The following PTGR3 variants were observed in gnomAD, a reference collection of about 807,000 sequenced individuals.
PTGR3 encodes the protein prostaglandin reductase 3.
chr18:75,199,922 G>A, the PTGR3 span: 2 of 152,712 alleles, frequency 1.3e-5, no homozygotes, highest in Admixed American at 1.3e-4. Context: ...TGTTGTGCAT[G>A]CATGCTAGCA....
At chr18:75,208,312 C>CA in the PTGR3 span, 3 of 985,186 alleles carry the variant, frequency 3.0e-6, no homozygotes, top group South Asian at 1.4e-4. Flanking sequence ...GCGAGGTGCA[C>CA]ACCCACACAT....
At chr18:75,203,211 C>T in the PTGR3 span, among the ~76,000 whole-genome samples, 1 of 152,090 alleles carries the variant, frequency 6.6e-6, no homozygotes, top group Non-Finnish European at 1.5e-5. Flanking sequence ...CAGTATTTTT[C>T]CCAGCTTTTT....
the PTGR3 span, chr18:75,208,795 C>A: frequency 6.8e-6 from 9 of 1,332,382 alleles, no homozygotes; most frequent in African/African-American, 3.1e-5. Context: ...CGGCGCGGCG[C>A]GGCGCGAGCC....
the PTGR3 span, among the ~76,000 whole-genome samples, chr18:75,203,490 T>A: frequency 6.6e-6 from 1 of 152,220 alleles, no homozygotes; most frequent in African/African-American, 2.4e-5. Flanking sequence ...GGTAATACTC[T>A]GCGCTTATAA....
chr18:75,198,960 C>T, the PTGR3 span: 1 of 152,594 alleles, frequency 6.6e-6, no homozygotes, highest in Admixed American at 6.5e-5. Context: ...TGATGCTGAA[C>T]TATGACCCTC....
chr18:75,201,659 A>C, the PTGR3 span: 10 of 1,614,096 alleles, frequency 6.2e-6, no homozygotes, highest in Admixed American at 1.5e-4. Flanking sequence ...GTACGCTGGC[A>C]GATTTCTTGA....
the PTGR3 span, chr18:75,202,377 G>GT: frequency 6.4e-7 from 1 of 1,573,170 alleles, no homozygotes; most frequent in Admixed American, 1.8e-5. Context: ...GTTACGATGG[G>GT]TTTTTTGTTA....
the PTGR3 span, among the ~76,000 whole-genome samples, chr18:75,204,743 G>T: frequency 1.3e-5 from 2 of 152,112 alleles, no homozygotes; most frequent in African/African-American, 4.8e-5. Context: ...GCCTGCGACC[G>T]TGACCTCGGC....
chr18:75,206,858 C>T, the PTGR3 span, among the ~76,000 whole-genome samples: 3 of 152,202 alleles, frequency 2.0e-5, no homozygotes, highest in Non-Finnish European at 2.9e-5. Context: ...TGCACTCCCG[C>T]GTTCTGACCA....
At chr18:75,201,613 G>C in the PTGR3 span, 1 of 1,614,162 alleles carries the variant, frequency 6.2e-7, no homozygotes, top group South Asian at 1.1e-5. Flanking sequence ...ATGGCTGCTT[G>C]ATACTTAGAA....
the PTGR3 span, chr18:75,198,384 G>A: frequency 1.3e-5 from 2 of 152,168 alleles, no homozygotes; most frequent in Admixed American, 1.3e-4. Flanking sequence ...GATAAACACA[G>A]AATGTAATAC....
At chr18:75,209,008 G>GT in the PTGR3 span, 1 of 1,587,544 alleles carries the variant, frequency 6.3e-7, no homozygotes, top group Non-Finnish European at 8.6e-7. The surrounding 1 kb of genome is among the most constrained non-coding windows in gnomAD (Gnocchi z 4.7). Flanking sequence ...AGTGGCGGGC[G>GT]TACGACATGT....
At chr18:75,206,941 A>T in the PTGR3 span, among the ~76,000 whole-genome samples, 1 of 152,008 alleles carries the variant, frequency 6.6e-6, no homozygotes, top group Non-Finnish European at 1.5e-5. Flanking sequence ...GTGCCTAGGC[A>T]CCCTGGCTGT....
the PTGR3 span, chr18:75,202,002 C>T: frequency 6.2e-7 from 1 of 1,614,088 alleles, no homozygotes; most frequent in African/African-American, 1.3e-5. Flanking sequence ...GCCCGTTCCC[C>T]CAGCTGCTGC....
At chr18:75,197,812 CA>C in the PTGR3 span, 1 of 152,138 alleles carries the variant, frequency 6.6e-6, no homozygotes. Context: ...ATGAATTCAT[CA>C]AATCAGGCCG....
the PTGR3 span, chr18:75,199,150 C>G: frequency 6.6e-6 from 1 of 152,562 alleles, no homozygotes; most frequent in African/African-American, 2.4e-5. Flanking sequence ...TTATTTTAAT[C>G]CTGGGCGTTT....
At chr18:75,202,480 A>G in the PTGR3 span, 1 of 680,068 alleles carries the variant, frequency 1.5e-6, no homozygotes, top group South Asian at 2.1e-5. Flanking sequence ...TGAGAAAATT[A>G]GTCCTGCTGC....
the PTGR3 span, chr18:75,208,533 C>T: frequency 9.2e-7 from 1 of 1,082,508 alleles, no homozygotes; most frequent in Non-Finnish European, 1.1e-6. Context: ...CTTCTGGGTC[C>T]CGTCGGTTTT....
At chr18:75,208,231 C>A in the PTGR3 span, 1 of 815,114 alleles carries the variant, frequency 1.2e-6, no homozygotes, top group East Asian at 1.2e-4. Flanking sequence ...GGACACGCGC[C>A]ACGCGGCGGT....
Sources: allele counts gnomAD v4.1 joint callset (sites outside exome capture counted in the v4.1 genomes callset), GRCh38; gene constraint gnomAD v4.1.1; non-coding constraint Gnocchi (gnomAD v3.1); transcripts MANE v1.5; gene names NCBI Gene and HGNC (gene_info 2026-07-23, HGNC 2026-07-21).